Variants in FMNL2 observed in about 807,000 individuals in gnomAD.
The protein encoded by FMNL2 is formin like 2.
Under a neutral mutation model 130.2 loss-of-function variants are expected in FMNL2, and 51 were observed. The ratio of observed to expected loss-of-function variants is 0.39; its 90% confidence interval spans 0.31 to 0.49. The LOEUF is 0.49. FMNL2 is among the 20% of genes least tolerant of loss of function. The pLI, the probability that FMNL2 is intolerant of heterozygous loss-of-function variation, is 0.85. For missense variants in FMNL2, 977 were observed against 1,316.2 expected (o/e 0.74, Z 3.99); for synonymous variants, 465 against 467.1 (o/e 1.00, Z 0.06).
intron 1 of FMNL2, among the ~76,000 whole-genome samples, chr2:152,451,716 A>G (rs1292041937): frequency 2.0e-5 from 3 of 152,066 alleles, no homozygotes. Flanking sequence ...GAAACACTAG[A>G]CTCTCGAAAC....
At chr2:152,430,442 T>C (rs1321769574) in intron 1 of FMNL2, among the ~76,000 whole-genome samples, 1 of 152,230 alleles carries the variant, frequency 6.6e-6, no homozygotes, top group African/African-American at 2.4e-5. Flanking sequence ...GAGTGAAATA[T>C]CATTTTCTAA....
chr2:152,391,085 A>G (rs541603451), intron 1 of FMNL2, among the ~76,000 whole-genome samples: 3 of 152,320 alleles, frequency 2.0e-5, no homozygotes, highest in Middle Eastern at 3.4e-3. Flanking sequence ...TATTTCTTCA[A>G]TTACCATCTG....
intron 1 of FMNL2, among the ~76,000 whole-genome samples, chr2:152,345,476 T>G (rs1194343717): frequency 6.6e-6 from 1 of 152,238 alleles, no homozygotes; most frequent in Non-Finnish European, 1.5e-5. Context: ...GTGAGTTCAG[T>G]ACTGCTAAAT....
At chr2:152,621,548 AT>A (rs1249661484) in intron 15 of FMNL2, among the ~76,000 whole-genome samples, 1 of 152,140 alleles carries the variant, frequency 6.6e-6, no homozygotes, top group African/African-American at 2.4e-5. Context: ...GGCTCATGCA[AT>A]TTAGAGGACT....
chr2:152,465,395 G>A (rs529464820), intron 1 of FMNL2, among the ~76,000 whole-genome samples: 36 of 152,358 alleles, frequency 2.4e-4, no homozygotes, highest in African/African-American at 8.4e-4. Context: ...GAAATACTTG[G>A]CTGGGATGTT....
At chr2:152,415,497 T>C (rs76916593) in intron 1 of FMNL2, among the ~76,000 whole-genome samples, 3,679 of 152,322 alleles carry the variant, frequency 0.024, 139 homozygotes, top group African/African-American at 0.084. Context: ...TCTACAGATA[T>C]GATTTGTGTC....
At chr2:152,459,365 A>C (rs1431657168) in intron 1 of FMNL2, among the ~76,000 whole-genome samples, 1 of 152,190 alleles carries the variant, frequency 6.6e-6, no homozygotes, top group Non-Finnish European at 1.5e-5. Context: ...TTAAGACTGC[A>C]ATGGAGCCTT....
intron 1 of FMNL2, among the ~76,000 whole-genome samples, chr2:152,367,299 C>A (rs1426326233): frequency 3.9e-5 from 6 of 152,074 alleles, no homozygotes; most frequent in African/African-American, 1.4e-4. Flanking sequence ...TGGTCTTGAA[C>A]TCCTGACCTC....
chr2:152,558,024 T>C (rs1028232847), intron 4 of FMNL2, among the ~76,000 whole-genome samples: 11 of 152,164 alleles, frequency 7.2e-5, no homozygotes, highest in Admixed American at 5.9e-4. Flanking sequence ...AGGATTATTA[T>C]GAAGAACAAA....
At chr2:152,557,543 G>A (rs527344725) in intron 4 of FMNL2, among the ~76,000 whole-genome samples, 1 of 152,280 alleles carries the variant, frequency 6.6e-6, no homozygotes, top group Non-Finnish European at 1.5e-5. Context: ...AAGAAAGAAT[G>A]ACCTTGAGGA....
intron 1 of FMNL2, among the ~76,000 whole-genome samples, chr2:152,491,374 C>T (rs1691179163): frequency 6.6e-6 from 1 of 152,096 alleles, no homozygotes; most frequent in East Asian, 1.9e-4. Flanking sequence ...GCTGGAAAAA[C>T]ACTGTGCATC....
At chr2:152,527,571 A>G (rs1693456574) in intron 2 of FMNL2, among the ~76,000 whole-genome samples, 1 of 151,892 alleles carries the variant, frequency 6.6e-6, no homozygotes, top group Non-Finnish European at 1.5e-5. Context: ...TTTCCCCTCA[A>G]TTGCCATTTT....
At position 152,521,928 on chromosome 2, in the gene FMNL2, AT is replaced by A. The variant is rs754371548; in HGVS notation, c.118-7del. On this transcript the variant is annotated splice_polypyrimidine_tract_variant and intron_variant, in intron 1 of 25. Transcript: ENST00000288670. The stretch of plus-strand genomic sequence containing the variant: ...GGAATGTGACATCTTTTCTCTCTTT[AT>A]TTTTTTTAAACAGAATGCTATGAAC... The A allele has an allele frequency of 7.5e-6, 12 of 1,594,144 alleles. No individual in the cohort carries two copies. The highest frequency in any genetic ancestry group is 3.4e-5 in the Admixed American group (2 of 59,376).
At chr2:152,436,483 A>T (rs970455104) in intron 1 of FMNL2, among the ~76,000 whole-genome samples, 1 of 152,160 alleles carries the variant, frequency 6.6e-6, no homozygotes, top group African/African-American at 2.4e-5. Context: ...CATGGTATCT[A>T]CTATAACACA....
intron 1 of FMNL2, among the ~76,000 whole-genome samples, chr2:152,435,473 G>T (rs1687702342): frequency 6.6e-6 from 1 of 151,866 alleles, no homozygotes; most frequent in Admixed American, 6.6e-5. Context: ...TTGTCTTCAC[G>T]TATGGTAAAT....
chr2:152,416,384 T>A (rs571290416), intron 1 of FMNL2, among the ~76,000 whole-genome samples: 1 of 152,280 alleles, frequency 6.6e-6, no homozygotes, highest in South Asian at 2.1e-4. Context: ...TAACTAATAG[T>A]AACTACTGAC....
At chr2:152,445,680 G>T (rs1448876238) in intron 1 of FMNL2, among the ~76,000 whole-genome samples, 1 of 152,194 alleles carries the variant, frequency 6.6e-6, no homozygotes, top group African/African-American at 2.4e-5. Context: ...TTCTGATTCA[G>T]TTGGTCTGGA....
chr2:152,608,168 G>A (rs1162305106), intron 10 of FMNL2, among the ~76,000 whole-genome samples: 1 of 151,982 alleles, frequency 6.6e-6, no homozygotes, highest in African/African-American at 2.4e-5. Context: ...AGTTGCCCTA[G>A]GGAAATTCTA....
intron 1 of FMNL2, among the ~76,000 whole-genome samples, chr2:152,374,327 G>A (rs1381098921): frequency 2.0e-5 from 3 of 152,116 alleles, no homozygotes; most frequent in Non-Finnish European, 4.4e-5. Flanking sequence ...CTGTGGGAGA[G>A]GGTCATGGTT....
Sources: allele counts gnomAD v4.1 joint callset (sites outside exome capture counted in the v4.1 genomes callset), GRCh38; gene constraint gnomAD v4.1.1; transcripts MANE v1.5; gene names NCBI Gene and HGNC (gene_info 2026-07-23, HGNC 2026-07-21).